Variants in COL28A1 observed in about 807,000 individuals in gnomAD.
COL28A1 encodes collagen alpha-1(XXVIII) chain.
COL28A1 carries 161 observed loss-of-function variants against 150.2 expected under a neutral mutation model. The ratio of observed to expected loss-of-function variants is 1.07; its 90% CI spans 0.94 to 1.22. COL28A1 has a LOEUF of 1.22. Among genes scored for constraint, COL28A1 ranks in the 50% most tolerant of loss-of-function variants. The pLI is 0.00. For synonymous variants in COL28A1, 552 were observed against 469.7 expected, an observed-to-expected ratio of 1.18 and a Z score of -2.26; for missense variants, 1,617 against 1,388.3, an observed-to-expected ratio of 1.16 and a Z score of -2.62.
intron 24 of COL28A1, 33 bp downstream of exon 24, chr7:7,432,599 A>T (rs749171241): frequency 6.2e-7 from 1 of 1,612,892 alleles, no homozygotes; most frequent in East Asian, 2.2e-5. Context: ...ACACTCAAAA[A>T]GGAGGGAGGG....
At chr7:7,460,529 G>A (rs181470662) in intron 15 of COL28A1, among the ~76,000 whole-genome samples, 1,664 of 152,044 alleles carry the variant, frequency 0.011, 35 homozygotes, top group African/African-American at 0.038. Context: ...GACTACAGGC[G>A]CCTGCCACCA....
At chr7:7,532,016 G>T in intron 2 of COL28A1, 112 bp from the exon 3 acceptor site, 1 of 630,526 alleles carries the variant, frequency 1.6e-6, no homozygotes, top group Non-Finnish European at 2.8e-6. Context: ...TGAGAGCAGC[G>T]TGAGGAGAGA....
intron 7 of COL28A1, among the ~76,000 whole-genome samples, chr7:7,516,720 T>G (rs946208574): frequency 2.6e-5 from 4 of 151,832 alleles, no homozygotes; most frequent in Non-Finnish European, 4.4e-5. Context: ...ACTACAAAAT[T>G]TTGTTCTATG....
chr7:7,416,669 C>T (rs1403464841), intron 27 of COL28A1, among the ~76,000 whole-genome samples: 1 of 152,160 alleles, frequency 6.6e-6, no homozygotes, highest in Admixed American at 6.5e-5. Flanking sequence ...CCTATTTGGC[C>T]TTTGCTTAGA....
At chr7:7,389,551 G>C (rs867031293) in intron 27 of COL28A1, among the ~76,000 whole-genome samples, 10 of 152,326 alleles carry the variant, frequency 6.6e-5, no homozygotes, top group Middle Eastern at 3.4e-3. Flanking sequence ...ATAGTAGCTT[G>C]ATAGGGATTG....
chr7:7,387,066 AC>A (rs1427437961), intron 27 of COL28A1, among the ~76,000 whole-genome samples: 1 of 152,110 alleles, frequency 6.6e-6, no homozygotes, highest in African/African-American at 2.4e-5. Context: ...CCTAATCACC[AC>A]CCCAAGGCCC....
Position 7,532,808 on chromosome 7 carries a change from C to G in COL28A1, c.68G>C (p.Gly23Ala), listed in dbSNP as rs376797480. 1.2e-6 allele frequency: 2 copies of G among 1,611,816 alleles called. No homozygotes were observed. Among genetic ancestry groups the G allele is most frequent in the Non-Finnish European group, 1.7e-6 (2 of 1,179,224 alleles). Residue 23 changes from glycine to alanine, a missense_variant, in exon 2 of 35, where the codon GGA becomes GCA. Gly to Ala is a moderately conservative substitution (Grantham distance 60). Transcript: ENST00000399429. The stretch of plus-strand genomic sequence containing the variant: ...TGATTTTGGTCCTTTCTTTCTTTGT[C>G]CGGATACTGTTTGACTCGTAAACGC... ...LSAFTSQTVS[G>A]QRKKGPKSNL...
intron 11 of COL28A1, among the ~76,000 whole-genome samples, chr7:7,501,742 T>A (rs1011132056): frequency 3.3e-5 from 5 of 152,156 alleles, no homozygotes; most frequent in African/African-American, 1.2e-4. Flanking sequence ...GACAGCCCCA[T>A]GGAAGGCAGC....
chr7:7,419,716 T>C (rs1189379466), intron 26 of COL28A1, among the ~76,000 whole-genome samples, 169 bp downstream of exon 26: 10 of 152,224 alleles, frequency 6.6e-5, no homozygotes, highest in African/African-American at 2.2e-4. Context: ...TAAACTCGAA[T>C]GTTCTATTTT....
intron 15 of COL28A1, among the ~76,000 whole-genome samples, chr7:7,471,470 A>G (rs1788423469): frequency 1.3e-5 from 2 of 152,254 alleles, no homozygotes; most frequent in African/African-American, 2.4e-5. Flanking sequence ...AAAATCCTTA[A>G]CAAAATACTA....
At chr7:7,350,600 T>C in the COL28A1 span, among the ~76,000 whole-genome samples, 1 of 151,944 alleles carries the variant, frequency 6.6e-6, no homozygotes, top group South Asian at 2.1e-4. Flanking sequence ...GCAAGAGTTG[T>C]TTTTGTTTTG....
chr7:7,453,521 AT>A lies in COL28A1; in HGVS notation c.1372-14del. The A allele has an allele frequency of 1.0e-6, 1 of 964,306 alleles. No homozygotes were observed. Among genetic ancestry groups the A allele is most frequent in the Non-Finnish European group, 1.7e-6 (1 of 596,328 alleles). 59.7% of individuals were successfully genotyped at this position (964,306 alleles called of 1,614,324 possible). ...GACCTTGGATTCCCTTTAAAATAAA[AT>A]TTTATAAAATAGTGTTAGTGAAATG... On this transcript the variant is annotated splice_polypyrimidine_tract_variant and intron_variant, in intron 16 of 34. Coordinates refer to ENST00000399429, the MANE Select transcript of COL28A1 (RefSeq NM_001037763.3).
intron 5 of COL28A1, among the ~76,000 whole-genome samples, chr7:7,520,821 C>T (rs1781681917): frequency 6.6e-6 from 1 of 151,970 alleles, no homozygotes; most frequent in Non-Finnish European, 1.5e-5. Context: ...TATTTCTTAC[C>T]CTGGCCATCT....
intron 7 of COL28A1, 59 bp downstream of exon 7, chr7:7,517,737 C>A: frequency 1.2e-6 from 2 of 1,611,178 alleles, no homozygotes; most frequent in Non-Finnish European, 1.7e-6. Context: ...AAATGGTCAA[C>A]CACAAAATCA....
chr7:7,452,174 T>C (rs1250059630), intron 18 of COL28A1, 145 bp downstream of exon 18: 21 of 1,185,810 alleles, frequency 1.8e-5, no homozygotes, highest in Non-Finnish European at 1.9e-5. Context: ...TTTGCAGTAG[T>C]AGTAGCCGCA....
At chr7:7,377,367 G>A (rs1464024993) in intron 30 of COL28A1, among the ~76,000 whole-genome samples, 1 of 152,050 alleles carries the variant, frequency 6.6e-6, no homozygotes, top group Non-Finnish European at 1.5e-5. Context: ...CCCCTCAAAG[G>A]ATTCACAGTC....
chr7:7,380,562 T>A, intron 30 of COL28A1, 98 bp downstream of exon 30: 2 of 1,028,056 alleles, frequency 1.9e-6, no homozygotes, highest in Non-Finnish European at 3.0e-6. Flanking sequence ...GAAACTGGGA[T>A]TCTGCATCCA....
intron 16 of COL28A1, among the ~76,000 whole-genome samples, chr7:7,453,884 A>C (rs1266146291): frequency 6.6e-6 from 1 of 150,746 alleles, no homozygotes; most frequent in East Asian, 1.9e-4. Flanking sequence ...AGTAGCTGGA[A>C]TTAAGAGAGG....
intron 5 of COL28A1, among the ~76,000 whole-genome samples, 174 bp from the exon 6 acceptor site, chr7:7,520,289 T>C (rs978569764): frequency 5.3e-5 from 8 of 152,182 alleles, no homozygotes; most frequent in African/African-American, 1.4e-4. Context: ...AAAACCACTG[T>C]CTTGAATTGG....
Sources: gnomAD v4.1 joint callset for allele counts (sites outside exome capture counted in the v4.1 genomes callset) on GRCh38, gnomAD v4.1.1 for gene constraint, MANE v1.5 for transcripts, NCBI Gene and HGNC (gene_info 2026-07-23, HGNC 2026-07-21) for gene names.